Variants in PPP1R9A observed in about 807,000 individuals in gnomAD.
PPP1R9A encodes the protein neurabin-1.
Under a neutral mutation model 141.9 loss-of-function variants are expected in PPP1R9A, and 59 were observed. The ratio of observed to expected loss-of-function variants is 0.42; its 90% CI spans 0.34 to 0.52. The LOEUF is 0.52. Among genes scored for constraint, PPP1R9A ranks in the 20% least tolerant of loss-of-function variants. The probability of loss-of-function intolerance (pLI) is 0.10; values close to 1 mark genes in which losing one functional copy is unlikely to be tolerated. For synonymous variants in PPP1R9A, 500 were observed against 569.7 expected (o/e 0.88, Z 1.74); for missense variants, 1,444 against 1,611.9 (o/e 0.90, Z 1.78).
chr7:95,143,316 A>G (rs1429006419), intron 4 of PPP1R9A, among the ~76,000 whole-genome samples: 1 of 152,132 alleles, frequency 6.6e-6, no homozygotes, highest in African/African-American at 2.4e-5. Flanking sequence ...TTGGCATTCC[A>G]TAGCTGCCAG....
At chr7:95,052,916 G>A (rs1004376235) in intron 2 of PPP1R9A, among the ~76,000 whole-genome samples, 3 of 152,088 alleles carry the variant, frequency 2.0e-5, no homozygotes, top group African/African-American at 4.8e-5. Context: ...TTGTCGTTGT[G>A]TCTGCTCTAT....
chr7:95,144,616 C>A (rs747308293), intron 4 of PPP1R9A, among the ~76,000 whole-genome samples: 7 of 152,096 alleles, frequency 4.6e-5, no homozygotes, highest in Non-Finnish European at 7.4e-5. Flanking sequence ...CCACATATGA[C>A]AAGCCCACAG....
At chr7:95,149,687 G>A (rs1828292941) in intron 4 of PPP1R9A, among the ~76,000 whole-genome samples, 1 of 145,026 alleles carries the variant, frequency 6.9e-6, no homozygotes, top group African/African-American at 2.5e-5. Flanking sequence ...AAGTCTGTAT[G>A]AGGAAAACTA....
At chr7:95,164,975 T>G (rs1831025168) in intron 5 of PPP1R9A, among the ~76,000 whole-genome samples, 1 of 152,090 alleles carries the variant, frequency 6.6e-6, no homozygotes, top group African/African-American at 2.4e-5. Context: ...ACTTTCCTGC[T>G]TTGCCCCCTT....
chr7:95,073,217 C>T (rs1299411259), intron 2 of PPP1R9A, among the ~76,000 whole-genome samples: 4 of 151,564 alleles, frequency 2.6e-5, no homozygotes, highest in South Asian at 2.1e-4. Flanking sequence ...AACTCCTGAC[C>T]GCAGGTGATC....
chr7:95,255,810 A>T (rs1160526803), intron 12 of PPP1R9A, among the ~76,000 whole-genome samples: 2 of 152,162 alleles, frequency 1.3e-5, no homozygotes, highest in Non-Finnish European at 2.9e-5. Flanking sequence ...GAAATGACAT[A>T]GTGTGTTCTT....
intron 10 of PPP1R9A, among the ~76,000 whole-genome samples, chr7:95,251,185 A>C (rs998172591): frequency 4.6e-5 from 7 of 152,156 alleles, no homozygotes; most frequent in Non-Finnish European, 8.8e-5. Flanking sequence ...ACTCTTTTTC[A>C]TGAAATAATT....
At chr7:95,009,192 C>T (rs1447232077) in intron 2 of PPP1R9A, among the ~76,000 whole-genome samples, 1 of 152,110 alleles carries the variant, frequency 6.6e-6, no homozygotes, top group African/African-American at 2.4e-5. Flanking sequence ...AGAAGATATA[C>T]CTAATGTAAA....
At chr7:95,012,404 G>A (rs955114679) in intron 2 of PPP1R9A, among the ~76,000 whole-genome samples, 1 of 152,072 alleles carries the variant, frequency 6.6e-6, no homozygotes, top group African/African-American at 2.4e-5. Context: ...CCATTCATGA[G>A]AAATCACCCC....
At chr7:95,189,889 C>T (rs1274643540) in intron 5 of PPP1R9A, among the ~76,000 whole-genome samples, 6 of 151,990 alleles carry the variant, frequency 3.9e-5, no homozygotes, top group Non-Finnish European at 8.8e-5. Context: ...ACTTCATTTC[C>T]AGAAGTTGTA....
chr7:95,040,797 T>C (rs80291318), intron 2 of PPP1R9A, among the ~76,000 whole-genome samples: 2,105 of 152,236 alleles, frequency 0.014, 39 homozygotes, highest in African/African-American at 0.048. Context: ...CATGATTATT[T>C]TGATGATCTG....
rs1424255875 is a variant in PPP1R9A, at chr7:95,011,582, C to T, written c.1396-99677C>T. Among the ~76,000 whole-genome samples, 8 of 152,126 alleles carry T rather than the reference C, an allele frequency of 5.3e-5. No homozygotes were observed. In the East Asian group the frequency reaches 1.3e-3, roughly 26 times the overall value. ...CTTCAGTTAAAATTTATTAATCACA[C>T]ATTTACTACTAATCAGGAATTATGA... is the stretch of plus-strand genomic sequence containing the variant. On this transcript the variant is annotated intron_variant, in intron 2 of 19. Transcript: ENST00000433360.
At chr7:94,926,332 C>G (rs1266357876) in intron 2 of PPP1R9A, among the ~76,000 whole-genome samples, 1 of 152,112 alleles carries the variant, frequency 6.6e-6, no homozygotes, top group Non-Finnish European at 1.5e-5. Context: ...TAAGTAACCA[C>G]AGTCATTAAA....
intron 7 of PPP1R9A, among the ~76,000 whole-genome samples, chr7:95,206,149 T>A (rs551487927): frequency 3.3e-5 from 5 of 152,316 alleles, no homozygotes; most frequent in Non-Finnish European, 7.4e-5. Context: ...TCCTTCCCAA[T>A]GTATTCACTT....
intron 2 of PPP1R9A, among the ~76,000 whole-genome samples, chr7:95,051,077 A>G (rs1267551143): frequency 1.3e-5 from 2 of 151,930 alleles, no homozygotes; most frequent in African/African-American, 4.8e-5. Flanking sequence ...TAGGAGTTTT[A>G]TAGTTTTGCA....
At chr7:95,176,041 G>A (rs1193423811) in intron 5 of PPP1R9A, among the ~76,000 whole-genome samples, 1 of 152,006 alleles carries the variant, frequency 6.6e-6, no homozygotes, top group African/African-American at 2.4e-5. Flanking sequence ...CATAACGACT[G>A]CAGGAATAAT....
intron 2 of PPP1R9A, among the ~76,000 whole-genome samples, chr7:95,095,527 G>A (rs574196416): frequency 3.3e-5 from 5 of 152,150 alleles, no homozygotes; most frequent in Non-Finnish European, 7.3e-5. Flanking sequence ...CACCCTCTGA[G>A]TTTTTCCAAT....
intron 4 of PPP1R9A, among the ~76,000 whole-genome samples, chr7:95,134,900 G>T (rs971048277): frequency 9.2e-5 from 14 of 152,004 alleles, no homozygotes; most frequent in African/African-American, 3.4e-4. Context: ...TCTTTGTGAG[G>T]GTCATATTGC....
Position 95,286,280 on chromosome 7 carries a change from T to G in PPP1R9A, c.3684T>G (p.Pro1228=). 1 of 1,613,682 alleles carries G rather than the reference T, an allele frequency of 6.2e-7. No homozygotes were observed. Among genetic ancestry groups the G allele is most frequent in the Non-Finnish European group, 8.5e-7 (1 of 1,179,716 alleles). ...SADLSGLGAE[P]KTPGLSQSLA... ...ACCTCAGCGGCTTAGGAGCAGAACC[T>G]AAAACACCAGGGCTCTCTCAGTCCT... The change falls in exon 18 of 20, where the codon CCT becomes CCG. Residue 1228 remains proline, a synonymous_variant. Transcript: ENST00000433360.
Sources: allele counts gnomAD v4.1 joint callset (sites outside exome capture counted in the v4.1 genomes callset), GRCh38; gene constraint gnomAD v4.1.1; transcripts MANE v1.5; gene names NCBI Gene and HGNC (gene_info 2026-07-23, HGNC 2026-07-21).